Variants in TTLL3 observed in about 807,000 individuals in gnomAD.
TTLL3 encodes tubulin tyrosine ligase like 3, also known as tubulin monoglycylase TTLL3.
A neutral mutation model predicts 75.2 loss-of-function variants in TTLL3; 63 were observed. The ratio of observed to expected loss-of-function variants is 0.84; its 90% CI spans 0.68 to 1.03. The LOEUF is 1.03. Ranked by LOEUF, TTLL3 falls within the 50% of genes least tolerant of loss-of-function variation. The pLI, the probability that TTLL3 is intolerant of heterozygous loss-of-function variation, is 0.00. For synonymous variants in TTLL3, 393 were observed against 418.5 expected, an observed-to-expected ratio of 0.94 and a Z score of 0.74; for missense variants, 997 against 1,069.9, an observed-to-expected ratio of 0.93 and a Z score of 0.95.
intron 8 of TTLL3, among the ~76,000 whole-genome samples, chr3:9,821,655 C>T (rs1425009455): frequency 6.6e-6 from 1 of 152,166 alleles, no homozygotes; most frequent in African/African-American, 2.4e-5. Context: ...TCAGGTGGCC[C>T]GGTACTTTCT....
chr3:9,814,486 A>G (rs1378132588), intron 4 of TTLL3, among the ~76,000 whole-genome samples: 1 of 152,034 alleles, frequency 6.6e-6, no homozygotes, highest in East Asian at 1.9e-4. Context: ...TCTCTACTAA[A>G]AAAATAGAAA....
chr3:9,817,206 C>T (rs983232341), intron 5 of TTLL3, among the ~76,000 whole-genome samples: 2 of 152,022 alleles, frequency 1.3e-5, no homozygotes, highest in African/African-American at 4.8e-5. Flanking sequence ...AGGCAGATCA[C>T]CAGGTCAGGA....
At chr3:9,817,104 C>T (rs1397684383) in intron 5 of TTLL3, among the ~76,000 whole-genome samples, 8 of 152,122 alleles carry the variant, frequency 5.3e-5, no homozygotes, top group Non-Finnish European at 8.8e-5. Flanking sequence ...TGAGCCACCG[C>T]GCTCGGCCTT....
intron 11 of TTLL3, 81 bp downstream of exon 11, chr3:9,829,476 G>A: frequency 6.7e-7 from 1 of 1,484,044 alleles, no homozygotes; most frequent in Non-Finnish European, 9.0e-7. Flanking sequence ...ATAGGACTCT[G>A]CAGTCAGACC....
Position 9,827,185 on chromosome 3 carries a change from C to T in TTLL3, c.1192C>T (p.Arg398Cys), listed in dbSNP as rs149007137. The change falls in exon 10 of 14, where the codon CGC becomes TGC. Residue 398 changes from arginine (R) to cysteine (C), a missense_variant. Coordinates refer to ENST00000685419, the MANE Select transcript of TTLL3 (RefSeq NM_001387446.1). ...GAACCCACTTACCGTGTGGTTCTAC[C>T]GCGACAGCTATATCCGCTTTTCCAC... The part of the protein sequence containing the change: ...DWNPLTVWFY[R>C]DSYIRFSTQP... 9.1e-4 allele frequency: 1,468 copies of T among 1,614,106 alleles called. 1 individual carries two copies. The highest frequency in any genetic ancestry group is 1.2e-3 in the Non-Finnish European group (1,363 of 1,180,058).
At chr3:9,820,973 G>A in intron 8 of TTLL3, 1 of 562,792 alleles carries the variant, frequency 1.8e-6, no homozygotes, top group Non-Finnish European at 3.0e-6. Flanking sequence ...CAAATGGACA[G>A]CACATTACCC....
chr3:9,834,941 C>T, intron 13 of TTLL3, 34 bp downstream of exon 13: 9 of 1,614,148 alleles, frequency 5.6e-6, no homozygotes, highest in Non-Finnish European at 7.6e-6. Context: ...ACCCAGTGGA[C>T]AGTGCTGAGC....
intron 2 of TTLL3, among the ~76,000 whole-genome samples, chr3:9,811,593 C>T (rs924361449): frequency 6.6e-6 from 1 of 152,242 alleles, no homozygotes; most frequent in Non-Finnish European, 1.5e-5. Flanking sequence ...CCTGTCCCCT[C>T]ATCTTTTTGT....
rs771961296 is a variant in TTLL3 at position 9,820,582 on chromosome 3, T to C, written c.695T>C (p.Val232Ala). 6 of 1,613,882 alleles carry C rather than the reference T, an allele frequency of 3.7e-6. No homozygotes were observed. Among genetic ancestry groups the C allele is most frequent in the Non-Finnish European group, 5.1e-6 (6 of 1,179,952 alleles). ...CCCAAGAAACAGGAGAAAAACCCAGTGTTGGTGTCCCCAGAGTTTGTGGAT... is the reference window on the plus strand; with the variant it reads ...CCCAAGAAACAGGAGAAAAACCCAGCGTTGGTGTCCCCAGAGTTTGTGGAT... ...KQPKKQEKNP[V>A]LVSPEFVDEA... The change falls in exon 8 of 14, where the codon GTG becomes GCG. Residue 232 changes from valine (V) to alanine (A), a missense_variant. Val to Ala is a moderately conservative substitution (Grantham distance 64, BLOSUM62 0). Transcript: ENST00000685419.
In TTLL3 at chr3:9,835,420, C is replaced by A; in HGVS notation, c.2379C>A (p.Ser793=). The A allele has an allele frequency of 6.2e-7, 1 of 1,612,996 alleles. No homozygotes were observed. Among genetic ancestry groups the A allele is most frequent in the Non-Finnish European group, 8.5e-7 (1 of 1,179,980 alleles). ...KKQVKYLGLD[S]IAVGGSRVDG... ...AAGTGAAGTATTTGGGGCTTGACTC[C>A]ATTGCTGTTGGAGGGTCAAGAGTGG... The change falls in exon 14 of 14, where the codon TCC becomes TCA. Residue 793 remains serine, a synonymous_variant. Coordinates refer to ENST00000685419, the MANE Select transcript of TTLL3 (RefSeq NM_001387446.1).
rs765125832 is a variant in TTLL3, at chr3:9,827,211, G to C, written c.1218G>C (p.Thr406=). The stretch of plus-strand genomic sequence containing the variant: ...GCGACAGCTATATCCGCTTTTCCAC[G>C]CAGCCCTTCTCCCTGAAGAACCTGG... ...FYRDSYIRFS[T]QPFSLKNLDN... is the part of the protein sequence containing the mutation. The change falls in exon 10 of 14, where the codon ACG becomes ACC. Residue 406 remains threonine, a synonymous_variant. Coordinates refer to ENST00000685419, the MANE Select transcript of TTLL3 (RefSeq NM_001387446.1). 5 of 1,614,146 alleles carry C rather than the reference G, an allele frequency of 3.1e-6. No individual in the cohort carries two copies. The highest frequency in any genetic ancestry group is 4.2e-6 in the Non-Finnish European group (5 of 1,180,012).
chr3:9,826,238 A>C (rs759341649), intron 9 of TTLL3, among the ~76,000 whole-genome samples: 1 of 152,212 alleles, frequency 6.6e-6, no homozygotes, highest in Non-Finnish European at 1.5e-5. Flanking sequence ...CAATTTATGC[A>C]ATCCTGGGAA....
At chr3:9,824,729 T>G (rs1368993256) in intron 8 of TTLL3, among the ~76,000 whole-genome samples, 1 of 142,506 alleles carries the variant, frequency 7.0e-6, no homozygotes, top group East Asian at 2.1e-4. Context: ...TTTCTTTTCT[T>G]TTCTTTTCTT....
intron 4 of TTLL3, among the ~76,000 whole-genome samples, chr3:9,815,713 T>G (rs534491288): frequency 6.6e-6 from 1 of 152,376 alleles, no homozygotes; most frequent in African/African-American, 2.4e-5. Flanking sequence ...TATGTCTCAG[T>G]CTTTGGAATT....
In TTLL3 at chr3:9,833,116, G is replaced by A. The variant is rs768778040; in HGVS notation, c.1696G>A (p.Val566Met). ...TTCTTGCCCACAGCCTGCTGTGGAG[G>A]TGCCTCAATATGTGGGCATCCGGCT... is the stretch of plus-strand genomic sequence containing the variant. ...ELIYKQPAVE[V>M]PQYVGIRLLV... The change falls in exon 12 of 14, where the codon GTG becomes ATG. Residue 566 changes from valine to methionine, a missense_variant. By Grantham distance (21) the Val-to-Met change is conservative. Coordinates refer to ENST00000685419, the MANE Select transcript of TTLL3 (RefSeq NM_001387446.1). The A allele has an allele frequency of 1.9e-6, 3 of 1,614,180 alleles. No homozygotes were observed. The highest frequency in any genetic ancestry group is 2.5e-6 in the Non-Finnish European group (3 of 1,180,014).
At chr3:9,814,991 A>G (rs1320436588) in intron 4 of TTLL3, among the ~76,000 whole-genome samples, 1 of 151,994 alleles carries the variant, frequency 6.6e-6, no homozygotes, top group Admixed American at 6.6e-5. Context: ...TAATCGCAGC[A>G]CTTTGGGAGG....
Position 9,829,110 on chromosome 3 carries a change from C to T in TTLL3, c.1398C>T (p.Ile466=). 1 of 1,614,268 alleles carries T rather than the reference C, an allele frequency of 6.2e-7. No individual in the cohort carries two copies. The highest frequency in any genetic ancestry group is 1.1e-5 in the South Asian group (1 of 91,088). Residue 466 remains isoleucine (I), a synonymous_variant, in exon 11 of 14, where the codon ATC becomes ATT. Transcript: ENST00000685419. ...EMGAPNAWST[I]IVPGMKDAVI... ...GTGCCCCAAATGCTTGGTCCACCATCATCGTGCCTGGCATGAAGGATGCTG... is the reference window on the plus strand; with the variant it reads ...GTGCCCCAAATGCTTGGTCCACCATTATCGTGCCTGGCATGAAGGATGCTG...
intron 2 of TTLL3, 146 bp from the exon 3 acceptor site, chr3:9,812,797 C>T (rs2079475144): frequency 1.1e-6 from 1 of 937,064 alleles, no homozygotes; most frequent in Admixed American, 3.6e-5. Flanking sequence ...TATTTCTCTA[C>T]TTATTTATAG....
chr3:9,820,399 A>C, intron 7 of TTLL3, 147 bp from the exon 8 acceptor site: 5 of 1,512,448 alleles, frequency 3.3e-6, no homozygotes, highest in Non-Finnish European at 4.4e-6. Context: ...GCCTCAGCTA[A>C]GTGACACATC....
Sources: allele counts gnomAD v4.1 joint callset (sites outside exome capture counted in the v4.1 genomes callset), GRCh38; gene constraint gnomAD v4.1.1; transcripts MANE v1.5; gene names NCBI Gene and HGNC (gene_info 2026-07-23, HGNC 2026-07-21).